Variants in TSNARE1 observed in about 807,000 individuals in gnomAD.
TSNARE1 encodes the protein t-SNARE domain-containing protein 1.
A neutral mutation model predicts 62.0 loss-of-function variants in TSNARE1; 49 were observed. The ratio of observed to expected loss-of-function variants is 0.79; its 90% CI spans 0.63 to 1.00. The LOEUF is 1.00. Among genes scored for constraint, TSNARE1 ranks in the 50% least tolerant of loss-of-function variants. TSNARE1 has a pLI of 0.00. For missense variants in TSNARE1, 755 were observed against 700.1 expected (o/e 1.08, Z -0.88); for synonymous variants, 328 against 294.4 (o/e 1.11, Z -1.17).
intron 1 of TSNARE1, among the ~76,000 whole-genome samples, chr8:142,391,901 G>A (rs182217109): frequency 4.7e-4 from 71 of 152,350 alleles, no homozygotes; most frequent in Admixed American, 2.5e-3. Context: ...CAAGCCTAGC[G>A]GGTGTAAGCA....
At chr8:142,237,007 T>C (rs1408822696) in intron 12 of TSNARE1, among the ~76,000 whole-genome samples, 1 of 152,028 alleles carries the variant, frequency 6.6e-6, no homozygotes, top group Non-Finnish European at 1.5e-5. Context: ...GAAGAGCCCA[T>C]GGTTATGAGG....
At chr8:142,332,590 A>G (rs1199442888) in intron 4 of TSNARE1, among the ~76,000 whole-genome samples, 1 of 152,190 alleles carries the variant, frequency 6.6e-6, no homozygotes, top group Non-Finnish European at 1.5e-5. Flanking sequence ...AAATCTACAG[A>G]ACACTATGAG....
intron 12 of TSNARE1, among the ~76,000 whole-genome samples, chr8:142,254,437 G>A (rs3935371): frequency 0.062 from 9,517 of 152,302 alleles, 394 homozygotes; most frequent in African/African-American, 0.11. Flanking sequence ...GCCTGCAGAT[G>A]GACAGAAATG....
chr8:142,338,126 C>A (rs964078418), intron 4 of TSNARE1, among the ~76,000 whole-genome samples: 12 of 152,228 alleles, frequency 7.9e-5, no homozygotes, highest in Non-Finnish European at 1.8e-4. Context: ...TTCTCTCTGC[C>A]GTCCCCATCC....
chr8:142,282,167 A>G (rs569511578), intron 11 of TSNARE1, among the ~76,000 whole-genome samples: 1 of 152,182 alleles, frequency 6.6e-6, no homozygotes, highest in South Asian at 2.1e-4. Context: ...GGACTTCAGG[A>G]CACCATGCCC....
chr8:142,283,067 C>A lies in TSNARE1; in HGVS notation c.1363+1346G>T, dbSNP rs931078675. Among the ~76,000 whole-genome samples the A allele has an allele frequency of 1.9e-4, 24 of 127,402 alleles. No homozygotes were observed. The South Asian group carries it at 5.4e-3, about 29-fold the overall frequency. 83.6% of individuals were successfully genotyped at this position (127,402 alleles called of 152,430 possible). The stretch of plus-strand genomic sequence containing the variant: ...GGCGGGACCAGTGTCTGTCAGTGAG[C>A]GGAGGTGGGGCCAGTGTCTATCAAT... On this transcript the variant is annotated intron_variant, in intron 11 of 13. Coordinates refer to ENST00000524325, the MANE Select transcript of TSNARE1 (RefSeq NM_145003.5).
intron 12 of TSNARE1, among the ~76,000 whole-genome samples, chr8:142,253,000 T>TCTGCC (rs1818247854): frequency 6.6e-6 from 1 of 152,186 alleles, no homozygotes; most frequent in South Asian, 2.1e-4. Context: ...AGGTCCAGCC[T>TCTGCC]CTGCCCTGCC....
intron 11 of TSNARE1, chr8:142,276,730 G>A (rs897339194): frequency 7.9e-5 from 78 of 985,382 alleles, no homozygotes; most frequent in African/African-American, 7.0e-5. Context: ...GACTCTGATC[G>A]TAGTGTGTGA....
chr8:142,250,116 C>A (rs532335261), intron 12 of TSNARE1, among the ~76,000 whole-genome samples: 1 of 152,328 alleles, frequency 6.6e-6, no homozygotes, highest in African/African-American at 2.4e-5. Context: ...GCCGGCAGCG[C>A]AGCAGTGTGC....
At chr8:142,361,008 C>T (rs1835113418) in intron 1 of TSNARE1, among the ~76,000 whole-genome samples, 1 of 152,136 alleles carries the variant, frequency 6.6e-6, no homozygotes, top group Admixed American at 6.5e-5. Context: ...AACAGCGTTC[C>T]CCGGGCCGGG....
In TSNARE1 at chr8:142,233,713, T is replaced by C. The variant is rs1171308984; in HGVS notation, c.1447-4134A>G. ...CCAGCGGGAACCAGTGCCTAGGTTA[T>C]GGTTTTGGAAGGCGGCTTGCTCCCT... On this transcript the variant is annotated intron_variant, in intron 12 of 13. Coordinates refer to ENST00000524325, the MANE Select transcript of TSNARE1 (RefSeq NM_145003.5). Among the ~76,000 whole-genome samples the C allele has an allele frequency of 3.3e-5, 5 of 152,154 alleles. No homozygotes were observed. The East Asian group carries it at 9.7e-4, about 29-fold the overall frequency.
intron 12 of TSNARE1, among the ~76,000 whole-genome samples, chr8:142,237,543 A>G (rs1817493256): frequency 6.6e-6 from 1 of 152,162 alleles, no homozygotes; most frequent in South Asian, 2.1e-4. Context: ...CCCTCCCCTG[A>G]GCCTCCGTTT....
intron 12 of TSNARE1, among the ~76,000 whole-genome samples, chr8:142,236,702 C>A (rs1160855515): frequency 6.6e-6 from 1 of 152,202 alleles, no homozygotes; most frequent in Non-Finnish European, 1.5e-5. Context: ...ACCACCACCT[C>A]TTCCCACCCT....
At position 142,331,836 on chromosome 8, in the gene TSNARE1, G is replaced by A; in HGVS notation, c.746-5C>T. 1 of 1,606,184 alleles carries A rather than the reference G, an allele frequency of 6.2e-7. No homozygotes were observed. The highest frequency in any genetic ancestry group is 8.5e-7 in the Non-Finnish European group (1 of 1,176,390). On this transcript the variant is annotated splice_polypyrimidine_tract_variant and splice_region_variant and intron_variant, in intron 4 of 13. Coordinates refer to ENST00000524325, the MANE Select transcript of TSNARE1 (RefSeq NM_145003.5). ...TGCACGGATCGACCTGGGTGGCTGG[G>A]AGAAGACAGGGAGGAGGAAAGAACA...
chr8:142,232,527 AC>A (rs1472230986), intron 12 of TSNARE1, among the ~76,000 whole-genome samples: 2 of 152,264 alleles, frequency 1.3e-5, no homozygotes, highest in South Asian at 2.1e-4. Flanking sequence ...ACAGAAACGG[AC>A]AGGCCAAAGG....
chr8:142,307,614 G>T (rs754138553), intron 9 of TSNARE1, among the ~76,000 whole-genome samples: 4 of 152,176 alleles, frequency 2.6e-5, no homozygotes, highest in African/African-American at 4.8e-5. Context: ...TGGAAATGAT[G>T]ACAAGAAAAG....
In TSNARE1 at chr8:142,278,670, G is replaced by A. The variant is rs1035482653; in HGVS notation, c.1364-3807C>T. The A allele has an allele frequency of 8.1e-6, 8 of 985,340 alleles. No homozygotes were observed. The South Asian group carries it at 2.8e-4, about 35-fold the overall frequency. The allele number at this position is 985,340 out of a possible 1,614,324, so 61.0% of individuals were successfully genotyped here. On this transcript the variant is annotated intron_variant, in intron 11 of 13. Coordinates refer to ENST00000524325, the MANE Select transcript of TSNARE1 (RefSeq NM_145003.5). ...GAGCCAGTGGCAGCTGCGGGCTGCA[G>A]ACGAGGCCTGACCAGACAGAAACGC...
chr8:142,366,318 ATGT>A (rs1835548001), intron 1 of TSNARE1, among the ~76,000 whole-genome samples: 1 of 152,238 alleles, frequency 6.6e-6, no homozygotes, highest in Non-Finnish European at 1.5e-5. Context: ...TTTATGAAGC[ATGT>A]ATAACCATGT....
chr8:142,293,224 T>G (rs1239121467), intron 10 of TSNARE1, among the ~76,000 whole-genome samples: 1 of 152,146 alleles, frequency 6.6e-6, no homozygotes, highest in Non-Finnish European at 1.5e-5. Flanking sequence ...TAGCGTACAG[T>G]GAGCTGCTGA....
Sources: gnomAD v4.1 joint callset for allele counts (sites outside exome capture counted in the v4.1 genomes callset) on GRCh38, gnomAD v4.1.1 for gene constraint, MANE v1.5 for transcripts, NCBI Gene and HGNC (gene_info 2026-07-23, HGNC 2026-07-21) for gene names.